PDE1C: variants seen among roughly 807,000 people sequenced by gnomAD.
PDE1C encodes the protein dual specificity calcium/calmodulin-dependent 3',5'-cyclic nucleotide phosphodiesterase 1C.
A neutral mutation model predicts 93.1 loss-of-function variants in PDE1C; 62 were observed. The ratio of observed to expected loss-of-function variants is 0.67; its 90% confidence interval spans 0.54 to 0.82. The LOEUF is 0.82. Ranked by LOEUF, PDE1C falls within the 40% of genes least tolerant of loss-of-function variation. The pLI is 0.00. For synonymous variants in PDE1C, 325 were observed against 310.1 expected, an observed-to-expected ratio of 1.05 and a Z score of -0.50; for missense variants, 742 against 884.6, an observed-to-expected ratio of 0.84 and a Z score of 2.04.
At chr7:31,773,369 C>T (rs1795624979) in intron 17 of PDE1C, among the ~76,000 whole-genome samples, 1 of 151,994 alleles carries the variant, frequency 6.6e-6, no homozygotes, top group African/African-American at 2.4e-5. Context: ...CCCTGGGTCC[C>T]CAGCAGAGCA....
chr7:32,259,814 C>A (rs1019401364), intron 1 of PDE1C, among the ~76,000 whole-genome samples: 1 of 152,146 alleles, frequency 6.6e-6, no homozygotes, highest in African/African-American at 2.4e-5. Context: ...GTCACCCCCA[C>A]GAGCCCCTCC....
At chr7:31,880,622 C>A in intron 3 of PDE1C, 125 bp downstream of exon 3, 1 of 621,650 alleles carries the variant, frequency 1.6e-6, no homozygotes, top group East Asian at 2.8e-5. Flanking sequence ...TTTGTGGAAA[C>A]TAAAACTCAA....
chr7:32,178,614 G>A (rs1324139002), intron 2 of PDE1C, among the ~76,000 whole-genome samples: 1 of 152,092 alleles, frequency 6.6e-6, no homozygotes, highest in African/African-American at 2.4e-5. Context: ...GGTGCAGGAG[G>A]TGAGCATCTC....
At chr7:31,930,134 C>T (rs1427075917) in intron 2 of PDE1C, among the ~76,000 whole-genome samples, 1 of 152,164 alleles carries the variant, frequency 6.6e-6, no homozygotes, top group Non-Finnish European at 1.5e-5. Context: ...CTATAAACAC[C>T]TCTACACAAA....
chr7:31,880,282 T>A (rs1797080725), intron 3 of PDE1C, among the ~76,000 whole-genome samples: 1 of 152,174 alleles, frequency 6.6e-6, no homozygotes, highest in Non-Finnish European at 1.5e-5. Context: ...GCTAAGTAAA[T>A]CAGCGACATA....
intron 1 of PDE1C, among the ~76,000 whole-genome samples, chr7:32,240,454 G>T (rs1406383750): frequency 5.9e-5 from 9 of 152,154 alleles, no homozygotes; most frequent in African/African-American, 1.9e-4. Context: ...TAATATGTCA[G>T]ATGGTGTTGT....
intron 16 of PDE1C, chr7:31,785,700 C>T (rs556802505): frequency 6.6e-6 from 1 of 152,184 alleles, no homozygotes; most frequent in East Asian, 1.9e-4. Flanking sequence ...GCCTGCTTCC[C>T]ATTTTTCTAA....
chr7:32,157,410 T>G (rs1801642074), intron 3 of PDE1C, among the ~76,000 whole-genome samples: 1 of 152,158 alleles, frequency 6.6e-6, no homozygotes, highest in Non-Finnish European at 1.5e-5. Flanking sequence ...CATTGTACAT[T>G]GTATACCTGT....
intron 3 of PDE1C, among the ~76,000 whole-genome samples, chr7:32,114,551 G>A (rs1174148958): frequency 6.6e-6 from 1 of 152,138 alleles, no homozygotes; most frequent in African/African-American, 2.4e-5. Context: ...TCAGGACACA[G>A]GCATGAGCAA....
chr7:31,935,039 A>C (rs1245916538), intron 2 of PDE1C, among the ~76,000 whole-genome samples: 1 of 141,716 alleles, frequency 7.1e-6, no homozygotes, highest in African/African-American at 2.5e-5. Context: ...CAAAAATATC[A>C]AGTTAACAAA....
At chr7:32,340,619 A>G (rs2128079797) in intron 1 of PDE1C, among the ~76,000 whole-genome samples, 1 of 151,880 alleles carries the variant, frequency 6.6e-6, no homozygotes, top group East Asian at 1.9e-4. Context: ...GCTCTGATAA[A>G]CAAACTGTGT....
chr7:32,330,759 A>G (rs970170826), intron 1 of PDE1C, among the ~76,000 whole-genome samples: 1 of 152,206 alleles, frequency 6.6e-6, no homozygotes, highest in Non-Finnish European at 1.5e-5. Flanking sequence ...GCATGGGAAC[A>G]GGATCGATCC....
intron 1 of PDE1C, among the ~76,000 whole-genome samples, chr7:32,332,477 A>G (rs912179058): frequency 1.3e-5 from 2 of 152,006 alleles, no homozygotes; most frequent in Non-Finnish European, 2.9e-5. Context: ...ATTTGGCTTT[A>G]GTATCTACTA....
At chr7:32,033,032 C>T (rs1790547286) in intron 2 of PDE1C, among the ~76,000 whole-genome samples, 1 of 152,050 alleles carries the variant, frequency 6.6e-6, no homozygotes, top group African/African-American at 2.4e-5. Flanking sequence ...CAGAAGGTGA[C>T]TTCTCAAAAC....
At chr7:32,213,567 C>T (rs539263711) in intron 1 of PDE1C, among the ~76,000 whole-genome samples, 1 of 152,362 alleles carries the variant, frequency 6.6e-6, no homozygotes, top group South Asian at 2.1e-4. Flanking sequence ...GACAGTCCAA[C>T]AGCACGCTGC....
chr7:31,677,617 CAATA>C, the PDE1C span, among the ~76,000 whole-genome samples: 1 of 152,070 alleles, frequency 6.6e-6, no homozygotes, highest in Non-Finnish European at 1.5e-5. Flanking sequence ...GAAAAAAACT[CAATA>C]AACTATAAGA....
chr7:32,373,901 C>T (rs752573909), intron 1 of PDE1C, among the ~76,000 whole-genome samples: 4 of 152,042 alleles, frequency 2.6e-5, no homozygotes, highest in Non-Finnish European at 4.4e-5. Flanking sequence ...GCAGGAGAAT[C>T]ACTTGAACCC....
intron 3 of PDE1C, among the ~76,000 whole-genome samples, chr7:32,110,637 G>A (rs1256712137): frequency 6.6e-6 from 1 of 152,182 alleles, no homozygotes; most frequent in Non-Finnish European, 1.5e-5. Flanking sequence ...ACAGAGATGG[G>A]TGGTGTTTTC....
the PDE1C span, among the ~76,000 whole-genome samples, chr7:31,669,794 C>T: frequency 6.6e-6 from 1 of 152,164 alleles, no homozygotes; most frequent in African/African-American, 2.4e-5. Flanking sequence ...TTTCAATGGG[C>T]ACTTTCCCCA....
Sources: gnomAD v4.1 joint callset for allele counts (sites outside exome capture counted in the v4.1 genomes callset) on GRCh38, gnomAD v4.1.1 for gene constraint, MANE v1.5 for transcripts, NCBI Gene and HGNC (gene_info 2026-07-23, HGNC 2026-07-21) for gene names.